Variants in MOB3B observed in about 807,000 individuals in gnomAD.
MOB3B encodes the protein MOB kinase activator-like 2B.
MOB3B carries 7 observed loss-of-function variants against 18.7 expected under a neutral mutation model. The observed-to-expected ratio is 0.37, with a 90% CI of 0.21 to 0.70. The LOEUF is 0.70. Among genes scored for constraint, MOB3B ranks in the 30% least tolerant of loss-of-function variants. The pLI is 0.52. For synonymous variants in MOB3B, 111 were observed against 99.9 expected, an observed-to-expected ratio of 1.11 and a Z score of -0.66; for missense variants, 253 against 281.3, an observed-to-expected ratio of 0.90 and a Z score of 0.72.
chr9:27,354,715 G>C (rs931657285), intron 3 of MOB3B, among the ~76,000 whole-genome samples: 2 of 152,180 alleles, frequency 1.3e-5, no homozygotes, highest in Non-Finnish European at 2.9e-5. Context: ...GGAACCCTAA[G>C]CAATGCAGGA....
intron 1 of MOB3B, among the ~76,000 whole-genome samples, chr9:27,485,089 CA>C (rs1326227686): frequency 6.6e-6 from 1 of 152,156 alleles, no homozygotes; most frequent in Non-Finnish European, 1.5e-5. Context: ...CTGGATGTCT[CA>C]AGGGCATCCA....
At position 27,519,948 on chromosome 9, in the gene MOB3B, C is replaced by T. The variant is rs367585448; in HGVS notation, c.-199+9607G>A. ...CACACAACCTTGTGATGACCATCCT[C>T]TGCATGCCCCATGGGAAGTACCGCT... On this transcript the variant is annotated intron_variant, in intron 1 of 3. Coordinates refer to ENST00000262244, the MANE Select transcript of MOB3B (RefSeq NM_024761.5). 5.4e-4 allele frequency among the ~76,000 whole-genome samples: 82 copies of T among 152,144 alleles called. No individual in the cohort carries two copies. In the Middle Eastern group the frequency reaches 0.017, roughly 32 times the overall value.
At chr9:27,336,331 G>GC (rs146984730) in intron 3 of MOB3B, among the ~76,000 whole-genome samples, 29 of 118,592 alleles carry the variant, frequency 2.4e-4, no homozygotes, top group South Asian at 7.3e-4. Flanking sequence ...AAATGGATAA[G>GC]GGGGGGGAAG....
chr9:27,450,340 T>G (rs1822765120), intron 2 of MOB3B, among the ~76,000 whole-genome samples: 1 of 152,104 alleles, frequency 6.6e-6, no homozygotes, highest in Non-Finnish European at 1.5e-5. Flanking sequence ...CAGCAAACAC[T>G]CATTGAAAGA....
chr9:27,328,070 A>T lies in MOB3B; in HGVS notation c.*2517T>A, dbSNP rs1820737097. 1 of 151,994 alleles carries T rather than the reference A, an allele frequency of 6.6e-6. No homozygotes were observed. Among genetic ancestry groups the T allele is most frequent in the African/African-American group, 2.4e-5 (1 of 41,386 alleles). The allele number at this position is 151,994 out of a possible 1,614,324, so 9.4% of individuals were successfully genotyped here. A position where few individuals can be genotyped will look rare whatever the true frequency, so the allele number is the denominator to read the frequency against. ...GGGAGAGACCCCTTCTCTTAAAAAAAAAAAAGGAAGAAAAGAAAACAAGGC... is the reference window on the plus strand; with the variant it reads ...GGGAGAGACCCCTTCTCTTAAAAAATAAAAAGGAAGAAAAGAAAACAAGGC... On this transcript the variant is annotated 3_prime_UTR_variant, in exon 4 of 4. Transcript: ENST00000262244.
chr9:27,463,162 G>C (rs888404795), intron 1 of MOB3B, among the ~76,000 whole-genome samples: 1 of 152,142 alleles, frequency 6.6e-6, no homozygotes, highest in Non-Finnish European at 1.5e-5. Flanking sequence ...AGATTCTTGA[G>C]AGACCAGTCA....
At chr9:27,506,393 G>A (rs1794425394) in intron 1 of MOB3B, among the ~76,000 whole-genome samples, 1 of 152,134 alleles carries the variant, frequency 6.6e-6, no homozygotes, top group Admixed American at 6.5e-5. Flanking sequence ...ACCAGGCTAT[G>A]TACCTCTTGC....
At chr9:27,466,339 G>A (rs1819382576) in intron 1 of MOB3B, among the ~76,000 whole-genome samples, 1 of 152,126 alleles carries the variant, frequency 6.6e-6, no homozygotes, top group Admixed American at 6.5e-5. Flanking sequence ...GACCACTTCA[G>A]CCTGGACCTT....
intron 1 of MOB3B, among the ~76,000 whole-genome samples, chr9:27,502,595 C>T (rs1413378913): frequency 6.6e-6 from 1 of 152,224 alleles, no homozygotes; most frequent in African/African-American, 2.4e-5. Context: ...TCAGGTGTCC[C>T]TTTCCTCCCC....
At chr9:27,440,581 C>T (rs538131516) in intron 2 of MOB3B, among the ~76,000 whole-genome samples, 22 of 152,294 alleles carry the variant, frequency 1.4e-4, no homozygotes, top group African/African-American at 5.3e-4. Flanking sequence ...TGGTCCACCA[C>T]TCTCTAATGT....
intron 2 of MOB3B, chr9:27,378,440 T>A (rs1821522807): frequency 2.1e-6 from 1 of 471,306 alleles, no homozygotes; most frequent in African/African-American, 2.0e-5. Context: ...TCTAGTTCCC[T>A]CAATGATGTG....
intron 2 of MOB3B, among the ~76,000 whole-genome samples, chr9:27,434,618 T>C (rs1191492335): frequency 6.6e-6 from 1 of 152,006 alleles, no homozygotes; most frequent in South Asian, 2.1e-4. Flanking sequence ...TCATCCAAAC[T>C]TCCCACCCTC....
chr9:27,513,447 CTCTT>C (rs990009441), intron 1 of MOB3B, among the ~76,000 whole-genome samples: 2 of 152,280 alleles, frequency 1.3e-5, no homozygotes, highest in Admixed American at 1.3e-4. Context: ...TTGTTTGAAA[CTCTT>C]TCATACGTTT....
intron 2 of MOB3B, among the ~76,000 whole-genome samples, chr9:27,411,874 A>G (rs1033031568): frequency 2.0e-5 from 3 of 152,252 alleles, no homozygotes; most frequent in African/African-American, 7.2e-5. Context: ...ACCAATTATA[A>G]CAAATGTGCT....
intron 2 of MOB3B, 77 bp downstream of exon 2, chr9:27,455,056 T>C: frequency 6.6e-7 from 1 of 1,509,990 alleles, no homozygotes; most frequent in Non-Finnish European, 9.2e-7. Context: ...CTACCTAGCA[T>C]TCAAAGGCAG....
At chr9:27,336,489 G>C (rs1820864824) in intron 3 of MOB3B, among the ~76,000 whole-genome samples, 1 of 152,136 alleles carries the variant, frequency 6.6e-6, no homozygotes, top group Non-Finnish European at 1.5e-5. Flanking sequence ...GATGTAGAAG[G>C]CTCCGCAGTG....
Position 27,326,569 on chromosome 9 carries a change from T to A in MOB3B, c.*4018A>T, listed in dbSNP as rs1280527346. 5.0e-6 allele frequency: 2 copies of A among 398,494 alleles called. No individual in the cohort carries two copies. Among genetic ancestry groups the A allele is most frequent in the Non-Finnish European group, 8.8e-6 (2 of 226,020 alleles). 24.7% of individuals were successfully genotyped at this position (398,494 alleles called of 1,614,324 possible). ...TATAGAATTTCCATGCCCGAAGAACTGTGAGAGGAGTATAGATTTTTTCAC... is the reference window on the plus strand; with the variant it reads ...TATAGAATTTCCATGCCCGAAGAACAGTGAGAGGAGTATAGATTTTTTCAC... On this transcript the variant is annotated 3_prime_UTR_variant, in exon 4 of 4. Coordinates refer to ENST00000262244, the MANE Select transcript of MOB3B (RefSeq NM_024761.5).
intron 1 of MOB3B, among the ~76,000 whole-genome samples, chr9:27,457,784 C>T (rs55847426): frequency 0.14 from 20,665 of 152,060 alleles, 1,781 homozygotes; most frequent in Middle Eastern, 0.19. Context: ...AACTTTCTGC[C>T]TGAGACAGTC....
At position 27,329,348 on chromosome 9, in the gene MOB3B, A is replaced by G. The variant is rs1019628783; in HGVS notation, c.*1239T>C. ...ACTCATTTAGGTTTCAAAAGGCAGG[A>G]TGTAGTACAGAATGCATTATTCTGA... On this transcript the variant is annotated 3_prime_UTR_variant, in exon 4 of 4. Transcript: ENST00000262244. 2 of 152,210 alleles carry G rather than the reference A, an allele frequency of 1.3e-5. No individual in the cohort carries two copies. The highest frequency in any genetic ancestry group is 6.5e-5 in the Admixed American group (1 of 15,280). 9.4% of individuals were successfully genotyped at this position (152,210 alleles called of 1,614,324 possible). A position where few individuals can be genotyped will look rare whatever the true frequency, so the allele number is the denominator to read the frequency against.
Sources: allele counts gnomAD v4.1 joint callset (sites outside exome capture counted in the v4.1 genomes callset), GRCh38; gene constraint gnomAD v4.1.1; transcripts MANE v1.5; gene names NCBI Gene and HGNC (gene_info 2026-07-23, HGNC 2026-07-21).